The following TLL1 variants were observed in gnomAD, a reference collection of about 807,000 sequenced individuals.
The protein encoded by TLL1 is tolloid like 1.
In TLL1, 49 loss-of-function variants were observed where a neutral mutation model predicts 128.2. The ratio of observed to expected loss-of-function variants is 0.38; its 90% CI spans 0.30 to 0.48. TLL1 has a LOEUF of 0.48. TLL1 is among the 20% of genes least tolerant of loss of function. The pLI is 0.96. For missense variants in TLL1, 1,123 were observed against 1,242.0 expected (o/e 0.90, Z 1.44); for synonymous variants, 454 against 418.8 (o/e 1.08, Z -1.03).
At chr4:166,007,738 C>T (rs1424381081) in intron 6 of TLL1, among the ~76,000 whole-genome samples, 1 of 151,570 alleles carries the variant, frequency 6.6e-6, no homozygotes, top group Non-Finnish European at 1.5e-5. Flanking sequence ...GAAATTAACA[C>T]TTTGTTCCAA....
chr4:165,887,431 A>C (rs953969412), intron 1 of TLL1, among the ~76,000 whole-genome samples: 12 of 152,182 alleles, frequency 7.9e-5, no homozygotes, highest in African/African-American at 2.7e-4. Context: ...GTAAAAGAAA[A>C]GAAAAGAAAA....
At chr4:166,003,800 A>C (rs965615902) in intron 6 of TLL1, among the ~76,000 whole-genome samples, 2 of 151,982 alleles carry the variant, frequency 1.3e-5, no homozygotes, top group African/African-American at 2.4e-5. Context: ...TTTAAGATTT[A>C]GCTGTTTTAT....
rs567781588 is a variant in TLL1 at position 165,998,247 on chromosome 4, A to G, written c.632+3069A>G. On this transcript the variant is annotated intron_variant, in intron 5 of 20. Coordinates refer to ENST00000061240, the MANE Select transcript of TLL1 (RefSeq NM_012464.5). ...TGATTTCATTCTTTGTGAGAGATTTATATAACTATGTTTATTACCTCAGTC... is the reference window on the plus strand; with the variant it reads ...TGATTTCATTCTTTGTGAGAGATTTGTATAACTATGTTTATTACCTCAGTC... Among the ~76,000 whole-genome samples, 242 of 152,278 alleles carry G rather than the reference A, an allele frequency of 1.6e-3. 1 individual carries two copies. The highest frequency in any genetic ancestry group is 2.7e-3 in the Admixed American group (42 of 15,288).
chr4:166,007,761 T>C (rs1331200465), intron 6 of TLL1, among the ~76,000 whole-genome samples, 182 bp from the exon 7 acceptor site: 1 of 151,672 alleles, frequency 6.6e-6, no homozygotes, highest in Non-Finnish European at 1.5e-5. Context: ...CAATATTGCT[T>C]TTCAATATGA....
At chr4:165,968,274 A>G (rs555924648) in intron 1 of TLL1, among the ~76,000 whole-genome samples, 1 of 152,154 alleles carries the variant, frequency 6.6e-6, no homozygotes. Flanking sequence ...TGTTTTGACT[A>G]TTTTTGAAGA....
intron 1 of TLL1, among the ~76,000 whole-genome samples, chr4:165,975,408 A>G (rs1735831222): frequency 6.6e-6 from 1 of 152,188 alleles, no homozygotes; most frequent in South Asian, 2.1e-4. Context: ...GTATAGGAAA[A>G]GAAATCTGCC....
intron 1 of TLL1, among the ~76,000 whole-genome samples, chr4:165,933,277 G>T (rs752550657): frequency 3.9e-4 from 59 of 152,176 alleles, no homozygotes; most frequent in Non-Finnish European, 8.1e-4. Context: ...GCCCAGTGTT[G>T]TCCTGTGACA....
At chr4:166,041,132 T>A (rs1000352031) in intron 10 of TLL1, among the ~76,000 whole-genome samples, 3 of 152,158 alleles carry the variant, frequency 2.0e-5, no homozygotes, top group African/African-American at 7.2e-5. Flanking sequence ...TATTTGTTAT[T>A]CTGCCTAAAC....
rs116463316 is a variant in TLL1 at position 165,934,800 on chromosome 4, C to T, written c.170-54581C>T. On this transcript the variant is annotated intron_variant, in intron 1 of 20. Transcript: ENST00000061240. ...ATTTTAACATGTTTGTCACAATGGC[C>T]GTAGGATTCCATAATAAAAAGATAA... Among the ~76,000 whole-genome samples, 1,498 of 152,136 alleles carry T rather than the reference C, an allele frequency of 9.8e-3. 27 individuals are homozygous for T. Among genetic ancestry groups the T allele is most frequent in the African/African-American group, 0.034 (1,429 of 41,492 alleles).
rs370111189 is a variant in TLL1, at chr4:166,100,874, T to C, written c.3040T>C (p.Ter1014GlnextTer13). ...RYPDTTHTKK[*>Q] ...TCCAGATACCACACATACCAAAAAA[T>C]AACACCAAAACCTCTGTCAGAACAC... Residue 1014 changes from the stop codon to glutamine, a stop_lost, in exon 21 of 21, where the codon TAA becomes CAA. Transcript: ENST00000061240. 1.9e-6 allele frequency: 3 copies of C among 1,612,342 alleles called. No homozygotes were observed. The highest frequency in any genetic ancestry group is 2.5e-6 in the Non-Finnish European group (3 of 1,179,098).
intron 1 of TLL1, among the ~76,000 whole-genome samples, chr4:165,911,162 C>A (rs1299109810): frequency 1.3e-5 from 2 of 152,130 alleles, no homozygotes; most frequent in Non-Finnish European, 2.9e-5. Flanking sequence ...TTTTGTTGCC[C>A]ATTAACCAAT....
In TLL1 at chr4:165,989,663, AT is replaced by A. The variant is rs5863792; in HGVS notation, c.280+187del. Among the ~76,000 whole-genome samples, 364 of 145,500 alleles carry A rather than the reference AT, an allele frequency of 2.5e-3. 1 individual carries two copies. Among genetic ancestry groups the A allele is most frequent in the African/African-American group, 6.9e-3 (276 of 39,786 alleles). ...TTTATTCATAGTTTTCATTTTATTA[AT>A]TTTTTTTTTTTTTTACCAAACAGGT... On this transcript the variant is annotated intron_variant, in intron 2 of 20. Transcript: ENST00000061240.
intron 5 of TLL1, among the ~76,000 whole-genome samples, chr4:165,998,751 T>C (rs1358572698): frequency 3.3e-5 from 5 of 151,550 alleles, no homozygotes; most frequent in South Asian, 2.1e-4. Flanking sequence ...GAGCCGAGAT[T>C]GCACCACTGC....
chr4:166,063,193 C>T (rs1201252836), intron 15 of TLL1, among the ~76,000 whole-genome samples: 4 of 152,156 alleles, frequency 2.6e-5, no homozygotes, highest in African/African-American at 9.7e-5. Context: ...TATAAACAGA[C>T]ACTTCTCAAA....
intron 8 of TLL1, among the ~76,000 whole-genome samples, chr4:166,019,856 T>C (rs943808361): frequency 1.3e-5 from 2 of 152,192 alleles, no homozygotes; most frequent in Non-Finnish European, 2.9e-5. Context: ...TATTCATATA[T>C]GCCAAAAATA....
At chr4:165,888,923 A>G (rs2110826719) in intron 1 of TLL1, among the ~76,000 whole-genome samples, 1 of 152,318 alleles carries the variant, frequency 6.6e-6, no homozygotes, top group South Asian at 2.1e-4. Flanking sequence ...ATCAAAATTC[A>G]ATGGTCATGC....
intron 2 of TLL1, among the ~76,000 whole-genome samples, chr4:165,990,996 C>T (rs542661388): frequency 4.4e-4 from 67 of 151,994 alleles, no homozygotes; most frequent in African/African-American, 1.5e-3. Context: ...ATGGAGACAA[C>T]GCATTCTGGA....
intron 1 of TLL1, among the ~76,000 whole-genome samples, chr4:165,957,673 C>A (rs1355346335): frequency 2.0e-5 from 3 of 151,312 alleles, no homozygotes; most frequent in Admixed American, 6.6e-5. Flanking sequence ...ACTCTTCCAC[C>A]CAAGTACCCT....
chr4:166,045,266 T>C (rs1324037130), intron 12 of TLL1, among the ~76,000 whole-genome samples: 1 of 152,202 alleles, frequency 6.6e-6, no homozygotes, highest in Non-Finnish European at 1.5e-5. Flanking sequence ...ATCTCTTGTC[T>C]TTACATGACC....
Sources: allele counts gnomAD v4.1 joint callset (sites outside exome capture counted in the v4.1 genomes callset), GRCh38; gene constraint gnomAD v4.1.1; transcripts MANE v1.5; gene names NCBI Gene and HGNC (gene_info 2026-07-23, HGNC 2026-07-21).